The following CACNA1E variants were observed in gnomAD, a reference collection of about 807,000 sequenced individuals.
CACNA1E encodes calcium voltage-gated channel subunit alpha1 E, also known as voltage-dependent R-type calcium channel subunit alpha-1E.
A neutral mutation model predicts 259.2 loss-of-function variants in CACNA1E; 40 were observed. That is an observed-to-expected ratio of 0.15 (90% confidence interval 0.12 to 0.20). The LOEUF (loss-of-function observed/expected upper bound fraction) is 0.20. CACNA1E is among the 10% of genes least tolerant of loss of function. The pLI is 1.00. For missense variants in CACNA1E, 1,874 were observed against 3,040.1 expected, an observed-to-expected ratio of 0.62 and a Z score of 9.02; for synonymous variants, 1,104 against 1,138.5, an observed-to-expected ratio of 0.97 and a Z score of 0.61.
chr1:181,776,321 C>T lies in CACNA1E; in HGVS notation c.5267+93C>T. 2 of 1,274,276 alleles carry T rather than the reference C, an allele frequency of 1.6e-6. No individual in the cohort carries two copies. The highest frequency in any genetic ancestry group is 2.9e-5 in the African/African-American group (2 of 68,188). 78.9% of individuals were successfully genotyped at this position (1,274,276 alleles called of 1,614,324 possible). A position where few individuals can be genotyped will look rare whatever the true frequency, so the allele number is the denominator to read the frequency against. ...GCTGGAATTGGAGCCACCCAAATGC[C>T]TGCCTGTTACAGAAGGAAAGGAGAT... On this transcript the variant is annotated intron_variant, in intron 38 of 47. Coordinates refer to ENST00000367573, the MANE Select transcript of CACNA1E (RefSeq NM_001205293.3). This position sits in a 1 kb window ranked among gnomAD's most constrained non-coding sequence, Gnocchi z 4.4.
chr1:181,571,677 A>G (rs1230936613), intron 3 of CACNA1E, among the ~76,000 whole-genome samples: 1 of 152,180 alleles, frequency 6.6e-6, no homozygotes, highest in Non-Finnish European at 1.5e-5. Context: ...AACATCTAAC[A>G]TCCTTTGCTA....
intron 25 of CACNA1E, among the ~76,000 whole-genome samples, chr1:181,745,959 A>G (rs1657039127): frequency 6.6e-6 from 1 of 152,198 alleles, no homozygotes; most frequent in African/African-American, 2.4e-5. Flanking sequence ...GAAAGCTTGC[A>G]AAAGGCTCTC....
At chr1:181,399,249 GAA>G (rs796414907) in intron 1 of CACNA1E, among the ~76,000 whole-genome samples, 1 of 139,946 alleles carries the variant, frequency 7.1e-6, no homozygotes, top group Non-Finnish European at 1.6e-5. Flanking sequence ...GAGGTAGAAG[GAA>G]AAAAAAAAAG....
upstream of CACNA1E, among the ~76,000 whole-genome samples, chr1:181,481,823 C>T (rs990923755): frequency 1.3e-5 from 2 of 150,132 alleles, no homozygotes; most frequent in Non-Finnish European, 3.0e-5. Flanking sequence ...AGCTCAGATA[C>T]CAATTCTATT....
At chr1:181,484,790 C>G (rs888053783) in intron 1 of CACNA1E, among the ~76,000 whole-genome samples, 2 of 152,172 alleles carry the variant, frequency 1.3e-5, no homozygotes, top group Non-Finnish European at 2.9e-5. Context: ...TATCCAGGAT[C>G]CAGGTGGATC....
In CACNA1E at chr1:181,598,414, C is replaced by T. The variant is rs1374875833; in HGVS notation, c.951+17638C>T. On this transcript the variant is annotated intron_variant, in intron 6 of 47. Transcript: ENST00000367573. Reference sequence around the variant, plus strand: ...GCCAAGAAAGGCTTCATAGAGAAACCTTGTAGACATAGAATTTCACCAGGG... The same window carrying T: ...GCCAAGAAAGGCTTCATAGAGAAACTTTGTAGACATAGAATTTCACCAGGG... Among the ~76,000 whole-genome samples the T allele has an allele frequency of 2.0e-5, 3 of 152,070 alleles. No individual in the cohort carries two copies. The East Asian group carries it at 5.8e-4, about 29-fold the overall frequency.
rs1440301557 is a variant in CACNA1E at position 181,758,100 on chromosome 1, C to T, written c.4483C>T (p.Leu1495=). 1 of 1,613,478 alleles carries T rather than the reference C, an allele frequency of 6.2e-7. No homozygotes were observed. Among genetic ancestry groups the T allele is most frequent in the African/African-American group, 1.3e-5 (1 of 74,874 alleles). The change falls in exon 31 of 48, where the codon CTG becomes TTG. Residue 1495 remains leucine, a synonymous_variant. Transcript: ENST00000367573. This position sits in a 1 kb window ranked among gnomAD's most constrained non-coding sequence, Gnocchi z 4.2. The part of the protein sequence containing the change: ...MAMIALNTVV[L]MMKYYSAPCT... ...CATGATCGCCTTGAATACTGTTGTGCTGATGATGAAGGTGAGAGGAGAGAG... is the reference window on the plus strand; with the variant it reads ...CATGATCGCCTTGAATACTGTTGTGTTGATGATGAAGGTGAGAGGAGAGAG...
Position 181,744,864 on chromosome 1 carries a change from G to A in CACNA1E, c.3719+5611G>A, listed in dbSNP as rs144377411. 1.4e-4 allele frequency among the ~76,000 whole-genome samples: 21 copies of A among 152,310 alleles called. No individual in the cohort carries two copies. The East Asian group carries it at 2.5e-3, about 18-fold the overall frequency. On this transcript the variant is annotated intron_variant, in intron 25 of 47. Coordinates refer to ENST00000367573, the MANE Select transcript of CACNA1E (RefSeq NM_001205293.3). ...CGAAGGATTAAAATTAAATTTAGCC[G>A]TCAAGTAGCCCATTAACTGTGGATT...
intron 8 of CACNA1E, among the ~76,000 whole-genome samples, chr1:181,714,135 C>T (rs1653663463): frequency 6.6e-6 from 1 of 152,178 alleles, no homozygotes; most frequent in Non-Finnish European, 1.5e-5. Context: ...CTTTAGATGG[C>T]AGCCAAAAGT....
At chr1:181,430,546 T>C (rs192673516) in intron 2 of CACNA1E, among the ~76,000 whole-genome samples, 14 of 152,200 alleles carry the variant, frequency 9.2e-5, no homozygotes, top group Admixed American at 7.2e-4. Context: ...TGGAGCCCAC[T>C]GTGTACATGC....
intron 1 of CACNA1E, among the ~76,000 whole-genome samples, chr1:181,486,711 A>G (rs1267611952): frequency 6.6e-6 from 1 of 152,236 alleles, no homozygotes; most frequent in Non-Finnish European, 1.5e-5. Flanking sequence ...ATGACTTAAT[A>G]TATATCACAT....
rs1332952296 is a variant in CACNA1E at position 181,784,630 on chromosome 1, T to C, written c.5471-31T>C. The stretch of plus-strand genomic sequence containing the variant: ...TCAGTCCTGGTTATTTCTGGGTCTA[T>C]TCTATTTATTAGTAATTTATCTTAT... On this transcript the variant is annotated intron_variant, in intron 40 of 47. Transcript: ENST00000367573. 3 of 1,433,136 alleles carry C rather than the reference T, an allele frequency of 2.1e-6. No homozygotes were observed. In the East Asian group the frequency reaches 7.4e-5, roughly 35 times the overall value. 88.8% of individuals were successfully genotyped at this position (1,433,136 alleles called of 1,614,324 possible).
chr1:181,691,229 T>C (rs1651124170), intron 7 of CACNA1E, among the ~76,000 whole-genome samples: 1 of 151,908 alleles, frequency 6.6e-6, no homozygotes, highest in Non-Finnish European at 1.5e-5. Context: ...TTTAGTTCTT[T>C]GATTTTATTT....
At chr1:181,340,650 C>T (rs762504969) in intron 1 of CACNA1E, among the ~76,000 whole-genome samples, 2 of 151,882 alleles carry the variant, frequency 1.3e-5, no homozygotes, top group Non-Finnish European at 2.9e-5. Context: ...TAAATTCATT[C>T]CTAGGGTTTT....
At chr1:181,337,947 A>G (rs1651840703) in intron 1 of CACNA1E, among the ~76,000 whole-genome samples, 1 of 152,206 alleles carries the variant, frequency 6.6e-6, no homozygotes, top group South Asian at 2.1e-4. Flanking sequence ...GCTGTTTTCC[A>G]TAATGATTGT....
At chr1:181,785,112 T>G (rs1558389216) in intron 41 of CACNA1E, among the ~76,000 whole-genome samples, 1 of 152,146 alleles carries the variant, frequency 6.6e-6, no homozygotes, top group African/African-American at 2.4e-5. Flanking sequence ...TAGGTGGGCA[T>G]GCAAGCCCCC....
rs892558345 is a variant in CACNA1E, at chr1:181,719,780, C to G, written c.1668C>G (p.Val556=). The part of the protein sequence containing the change: ...GVTVGSIFEV[V]WAIFRPGTSF... ...CAGTGGGCAGTATCTTTGAAGTGGT[C>G]TGGGCAATCTTCAGACCTGGTACGT... is the stretch of plus-strand genomic sequence containing the variant. The change falls in exon 13 of 48, where the codon GTC becomes GTG. Residue 556 remains valine (V), a synonymous_variant. Transcript: ENST00000367573. 3 of 1,604,604 alleles carry G rather than the reference C, an allele frequency of 1.9e-6. No individual in the cohort carries two copies. In the African/African-American group the frequency reaches 4.0e-5, roughly 21 times the overall value.
At chr1:181,469,973 G>C (rs1456492130) in intron 2 of CACNA1E, among the ~76,000 whole-genome samples, 1 of 152,050 alleles carries the variant, frequency 6.6e-6, no homozygotes, top group African/African-American at 2.4e-5. Context: ...GAGGAGGGAG[G>C]GGGAGTGGAG....
chr1:181,684,182 T>C (rs910964738), intron 7 of CACNA1E, among the ~76,000 whole-genome samples: 1 of 152,220 alleles, frequency 6.6e-6, no homozygotes, highest in Non-Finnish European at 1.5e-5. Flanking sequence ...TTATGACTGG[T>C]GTGAGATGGT....
Sources: gnomAD v4.1 joint callset for allele counts (sites outside exome capture counted in the v4.1 genomes callset) on GRCh38, gnomAD v4.1.1 for gene constraint, Gnocchi (gnomAD v3.1) non-coding constraint, MANE v1.5 for transcripts, NCBI Gene and HGNC (gene_info 2026-07-23, HGNC 2026-07-21) for gene names.